RANBP2: variants seen among roughly 807,000 people sequenced by gnomAD.
RANBP2 encodes the protein E3 SUMO-protein ligase RanBP2.
A neutral mutation model predicts 303.6 loss-of-function variants in RANBP2; 57 were observed. The observed-to-expected ratio is 0.19, with a 90% confidence interval of 0.15 to 0.23. The LOEUF (loss-of-function observed/expected upper bound fraction) is 0.23. RANBP2 is among the 10% of genes least tolerant of loss of function. RANBP2 has a pLI of 1.00. For synonymous variants in RANBP2, 1,167 were observed against 1,301.5 expected (o/e 0.90, Z 2.23); for missense variants, 3,138 against 3,780.8 (o/e 0.83, Z 4.46).
chr2:109,102,120 A>T, the RANBP2 span, among the ~76,000 whole-genome samples: 1 of 151,914 alleles, frequency 6.6e-6, no homozygotes, highest in South Asian at 2.1e-4. Flanking sequence ...TATTTTTTTG[A>T]GACAGAGTCT....
the RANBP2 span, among the ~76,000 whole-genome samples, chr2:109,548,774 T>G: frequency 5.6e-5 from 1 of 17,932 alleles, no homozygotes; most frequent in Non-Finnish European, 1.3e-4. Context: ...AGGCTCCATC[T>G]CAAAAAAAAA....
chr2:109,589,090 G>A, the RANBP2 span, among the ~76,000 whole-genome samples: 1 of 152,154 alleles, frequency 6.6e-6, no homozygotes, highest in Admixed American at 6.5e-5. Context: ...CCACGCCTGG[G>A]TAATTTTTGT....
the RANBP2 span, among the ~76,000 whole-genome samples, chr2:109,446,579 T>C: frequency 8.5e-5 from 13 of 152,222 alleles, no homozygotes; most frequent in East Asian, 2.3e-3. Context: ...AGGTGGTATC[T>C]GAGCCTTCCA....
the RANBP2 span, among the ~76,000 whole-genome samples, chr2:109,631,052 C>T: frequency 0.028 from 4,330 of 152,122 alleles, 144 homozygotes; most frequent in East Asian, 0.13. Context: ...AGCGAGACTC[C>T]GTCTTCAAAA....
chr2:109,370,808 T>C, the RANBP2 span, among the ~76,000 whole-genome samples: 1 of 152,198 alleles, frequency 6.6e-6, no homozygotes, highest in African/African-American at 2.4e-5. Flanking sequence ...GTTTCCACTT[T>C]GTGCATTTAT....
At chr2:108,906,462 C>A in the RANBP2 span, 213 of 1,297,984 alleles carry the variant, frequency 1.6e-4, 2 homozygotes, top group South Asian at 2.4e-3. Context: ...GCAGCAGCTA[C>A]GCCCAACACC....
At chr2:109,312,059 C>T in the RANBP2 span, among the ~76,000 whole-genome samples, 1 of 152,086 alleles carries the variant, frequency 6.6e-6, no homozygotes, top group Non-Finnish European at 1.5e-5. Flanking sequence ...CAGCCATAGA[C>T]TAGGGGAACC....
the RANBP2 span, among the ~76,000 whole-genome samples, chr2:109,541,370 T>C: frequency 6.6e-6 from 1 of 152,360 alleles, no homozygotes; most frequent in East Asian, 1.9e-4. Flanking sequence ...CCATTTTCAT[T>C]ACTATACATT....
chr2:109,262,257 A>T, the RANBP2 span, among the ~76,000 whole-genome samples: 2 of 152,250 alleles, frequency 1.3e-5, no homozygotes, highest in Non-Finnish European at 2.9e-5. Flanking sequence ...GAAAGCTTGG[A>T]GAGAAACCAG....
At chr2:109,731,451 G>C in the RANBP2 span, among the ~76,000 whole-genome samples, 1 of 151,662 alleles carries the variant, frequency 6.6e-6, no homozygotes. Flanking sequence ...CTGGAGTGCA[G>C]TGGCGTGATC....
At chr2:109,726,324 C>T in the RANBP2 span, among the ~76,000 whole-genome samples, 39 of 151,994 alleles carry the variant, frequency 2.6e-4, no homozygotes, top group South Asian at 6.2e-4. Flanking sequence ...GCAAGAGAAT[C>T]GCTTGAACTC....
chr2:109,214,259 C>A, the RANBP2 span, among the ~76,000 whole-genome samples: 1 of 151,998 alleles, frequency 6.6e-6, no homozygotes, highest in Non-Finnish European at 1.5e-5. Context: ...TAAGATCACC[C>A]AAAGGGAGTG....
the RANBP2 span, among the ~76,000 whole-genome samples, chr2:109,401,738 T>G: frequency 6.6e-6 from 1 of 152,192 alleles, no homozygotes; most frequent in Non-Finnish European, 1.5e-5. Context: ...CTCTCCTTCC[T>G]GCATCCTCAC....
chr2:108,725,065 A>C (rs1816718), intron 1 of RANBP2, among the ~76,000 whole-genome samples: 4 of 152,322 alleles, frequency 2.6e-5, no homozygotes, highest in East Asian at 1.9e-4. Flanking sequence ...TGCAAGATAG[A>C]GATGATGTGG....
At chr2:109,693,520 TAGTG>T in the RANBP2 span, among the ~76,000 whole-genome samples, 8 of 152,276 alleles carry the variant, frequency 5.3e-5, no homozygotes, top group East Asian at 7.8e-4. Flanking sequence ...GTTCTCGTGG[TAGTG>T]AGTAAGTCTC....
At chr2:109,322,290 C>A in the RANBP2 span, among the ~76,000 whole-genome samples, 4 of 151,936 alleles carry the variant, frequency 2.6e-5, no homozygotes, top group African/African-American at 4.8e-5. Flanking sequence ...AAATCCAGAT[C>A]CTGCTCTGTA....
chr2:109,034,398 A>AT, the RANBP2 span, among the ~76,000 whole-genome samples: 2 of 152,026 alleles, frequency 1.3e-5, no homozygotes, highest in African/African-American at 4.8e-5. Flanking sequence ...CCCCAGGGCC[A>AT]TGCCCCAGAG....
chr2:108,762,627 C>G (rs1676805808), intron 19 of RANBP2, among the ~76,000 whole-genome samples: 3 of 126,976 alleles, frequency 2.4e-5, no homozygotes, highest in Admixed American at 8.5e-5. Flanking sequence ...CTTATTTTGA[C>G]CACAGGCAAG....
At chr2:109,687,432 G>A in the RANBP2 span, among the ~76,000 whole-genome samples, 1 of 152,118 alleles carries the variant, frequency 6.6e-6, no homozygotes, top group African/African-American at 2.4e-5. Flanking sequence ...TCCTCTCTGA[G>A]GAGCCCTGGT....
Sources: allele counts gnomAD v4.1 joint callset (sites outside exome capture counted in the v4.1 genomes callset), GRCh38; gene constraint gnomAD v4.1.1; transcripts MANE v1.5; gene names NCBI Gene and HGNC (gene_info 2026-07-23, HGNC 2026-07-21).